The following DOCK3 variants were observed in gnomAD, a reference collection of about 807,000 sequenced individuals.
DOCK3 encodes the protein dedicator of cytokinesis 3, also known as dedicator of cytokinesis protein 3.
In DOCK3, 60 loss-of-function variants were observed where a neutral mutation model predicts 265.6. The ratio of observed to expected loss-of-function variants is 0.23; its 90% CI spans 0.18 to 0.28. DOCK3 has a LOEUF of 0.28. Among genes scored for constraint, DOCK3 ranks in the 10% least tolerant of loss-of-function variants. DOCK3 has a pLI of 1.00. For synonymous variants in DOCK3, 881 were observed against 938.0 expected, an observed-to-expected ratio of 0.94 and a Z score of 1.11; for missense variants, 1,981 against 2,594.3, an observed-to-expected ratio of 0.76 and a Z score of 5.14.
intron 14 of DOCK3, among the ~76,000 whole-genome samples, chr3:51,217,928 G>T (rs1477367444): frequency 6.6e-6 from 1 of 151,756 alleles, no homozygotes; most frequent in Non-Finnish European, 1.5e-5. Context: ...GACCAACCTG[G>T]CCAACATGGT....
intron 1 of DOCK3, among the ~76,000 whole-genome samples, chr3:50,751,740 A>G (rs2039825073): frequency 6.6e-6 from 1 of 152,192 alleles, no homozygotes; most frequent in African/African-American, 2.4e-5. Flanking sequence ...TAATTTATAA[A>G]GGAAAGAGGT....
In DOCK3 at chr3:51,088,649, G is replaced by A. The variant is rs531834003; in HGVS notation, c.550-594G>A. 2.0e-5 allele frequency among the ~76,000 whole-genome samples: 3 copies of A among 152,158 alleles called. No homozygotes were observed. The East Asian group carries it at 5.8e-4, about 29-fold the overall frequency. ...TCATAGTGATGCTCATGTAATTTGA[G>A]CTTCACAATAACTTTGTAAGGAAGA... On this transcript the variant is annotated intron_variant, in intron 7 of 52. Transcript: ENST00000266037.
chr3:51,161,785 T>C lies in DOCK3; in HGVS notation c.1037+1083T>C, dbSNP rs192723449. On this transcript the variant is annotated intron_variant, in intron 12 of 52. Coordinates refer to ENST00000266037, the MANE Select transcript of DOCK3 (RefSeq NM_004947.5). Reference sequence around the variant, plus strand: ...TAAAAGAATGATCATGAGTCGAATTTCTCTATCTTTGAAAGATAGCCCATT... The same window carrying C: ...TAAAAGAATGATCATGAGTCGAATTCCTCTATCTTTGAAAGATAGCCCATT... Among the ~76,000 whole-genome samples the C allele has an allele frequency of 7.9e-5, 12 of 152,308 alleles. 1 individual carries two copies. Among genetic ancestry groups the C allele is most frequent in the Admixed American group, 7.8e-4 (12 of 15,296 alleles).
chr3:51,362,036 G>A, intron 48 of DOCK3, 39 bp downstream of exon 48: 1 of 1,575,012 alleles, frequency 6.3e-7, no homozygotes, highest in Non-Finnish European at 8.6e-7. Flanking sequence ...AGGGCACCAT[G>A]CCTACAGAAC....
intron 19 of DOCK3, among the ~76,000 whole-genome samples, chr3:51,232,116 A>G (rs115362628): frequency 0.023 from 3,476 of 152,198 alleles, 119 homozygotes; most frequent in African/African-American, 0.079. Context: ...TTTTTTGCCA[A>G]TTGTTACACT....
intron 12 of DOCK3, among the ~76,000 whole-genome samples, chr3:51,203,515 G>A (rs1194619567): frequency 6.6e-6 from 1 of 152,136 alleles, no homozygotes; most frequent in Non-Finnish European, 1.5e-5. Flanking sequence ...AAATTAAAGA[G>A]GATACAAACA....
intron 5 of DOCK3, among the ~76,000 whole-genome samples, chr3:50,956,115 A>G (rs1363663011): frequency 6.6e-6 from 1 of 150,436 alleles, no homozygotes; most frequent in African/African-American, 2.5e-5. Context: ...TTTGATTTGC[A>G]TTTAGTTCAG....
intron 36 of DOCK3, 80 bp from the exon 37 acceptor site, chr3:51,338,855 C>G: frequency 8.0e-7 from 1 of 1,255,878 alleles, no homozygotes; most frequent in Non-Finnish European, 1.1e-6. Flanking sequence ...CCCAGCACAC[C>G]CACGGCTATG....
At position 51,357,018 on chromosome 3, in the gene DOCK3, G is replaced by A. The variant is rs550128680; in HGVS notation, c.4560G>A (p.Glu1520=). Residue 1520 remains glutamate, a synonymous_variant, in exon 44 of 53, where the codon GAG becomes GAA. Transcript: ENST00000266037. The part of the protein sequence containing the change: ...AIQVVENKNQ[E]LRSLISQYQH... ...AAGTGGTTGAGAATAAGAACCAGGA[G>A]CTACGCTCCCTGATCAGCCAGTATC... 2 of 1,613,484 alleles carry A rather than the reference G, an allele frequency of 1.2e-6. No individual in the cohort carries two copies. Among genetic ancestry groups the A allele is most frequent in the South Asian group, 1.1e-5 (1 of 91,050 alleles).
intron 5 of DOCK3, among the ~76,000 whole-genome samples, chr3:51,063,812 T>A (rs2081501460): frequency 6.6e-6 from 1 of 152,224 alleles, no homozygotes; most frequent in African/African-American, 2.4e-5. Context: ...TTTGTTAAGA[T>A]GTTTCCGTTT....
At chr3:51,017,334 T>C (rs904734831) in intron 5 of DOCK3, among the ~76,000 whole-genome samples, 1 of 151,614 alleles carries the variant, frequency 6.6e-6, no homozygotes, top group African/African-American at 2.4e-5. Context: ...TTTGTTTCAT[T>C]GATCATTTGT....
At chr3:51,073,847 C>T (rs2081968041) in intron 6 of DOCK3, among the ~76,000 whole-genome samples, 1 of 152,110 alleles carries the variant, frequency 6.6e-6, no homozygotes, top group Non-Finnish European at 1.5e-5. Flanking sequence ...TTAGCCTATG[C>T]TGTTAGTACA....
intron 1 of DOCK3, among the ~76,000 whole-genome samples, chr3:50,747,723 G>T (rs1369262664): frequency 6.6e-6 from 1 of 152,094 alleles, no homozygotes; most frequent in East Asian, 1.9e-4. Context: ...AATTAGCTGG[G>T]CATGGTGGCG....
intron 5 of DOCK3, among the ~76,000 whole-genome samples, chr3:51,020,513 CT>C (rs1259135963): frequency 6.6e-6 from 1 of 151,772 alleles, no homozygotes; most frequent in Admixed American, 6.6e-5. Flanking sequence ...TTTGCAATTG[CT>C]TTTAGTGTTT....
chr3:50,811,615 G>C (rs973982851), intron 2 of DOCK3, among the ~76,000 whole-genome samples: 5 of 152,154 alleles, frequency 3.3e-5, no homozygotes, highest in African/African-American at 1.2e-4. Context: ...ATCTTGTGAA[G>C]TTAGATGTGC....
In DOCK3 at chr3:50,978,820, G is replaced by A. The variant is rs922822076; in HGVS notation, c.315+44743G>A. Among the ~76,000 whole-genome samples the A allele has an allele frequency of 3.3e-5, 5 of 152,312 alleles. No homozygotes were observed. In the South Asian group the frequency reaches 6.2e-4, roughly 19 times the overall value. On this transcript the variant is annotated intron_variant, in intron 5 of 52. Coordinates refer to ENST00000266037, the MANE Select transcript of DOCK3 (RefSeq NM_004947.5). The stretch of plus-strand genomic sequence containing the variant: ...AGTCTCCGTGGGCGTAGGACCCTCC[G>A]AGCCACGTGCGGGATATAATCTTGT...
At chr3:51,213,265 C>T (rs1007493934) in intron 13 of DOCK3, among the ~76,000 whole-genome samples, 1 of 152,094 alleles carries the variant, frequency 6.6e-6, no homozygotes, top group African/African-American at 2.4e-5. Context: ...TAGATCAACA[C>T]CTAAATTCTT....
chr3:50,721,474 G>A (rs558533425), intron 1 of DOCK3, among the ~76,000 whole-genome samples: 6 of 152,082 alleles, frequency 3.9e-5, no homozygotes, highest in Non-Finnish European at 8.8e-5. Flanking sequence ...GTTTTTGTCA[G>A]CTTTGTCAAA....
intron 11 of DOCK3, 81 bp downstream of exon 11, chr3:51,159,385 C>G: frequency 7.7e-7 from 1 of 1,291,486 alleles, no homozygotes; most frequent in Non-Finnish European, 1.1e-6. Flanking sequence ...GCTTTGTTTT[C>G]TCCCTAGATC....
Sources: allele counts gnomAD v4.1 joint callset (sites outside exome capture counted in the v4.1 genomes callset), GRCh38; gene constraint gnomAD v4.1.1; transcripts MANE v1.5; gene names NCBI Gene and HGNC (gene_info 2026-07-23, HGNC 2026-07-21).